Variants in TFB1M observed in about 807,000 individuals in gnomAD.
TFB1M encodes dimethyladenosine transferase 1, mitochondrial.
In TFB1M, 27 loss-of-function variants were observed where a neutral mutation model predicts 31.1. That is an observed-to-expected ratio of 0.87 (90% confidence interval 0.64 to 1.20). The LOEUF is 1.20. Among genes scored for constraint, TFB1M ranks in the 50% most tolerant of loss-of-function variants. The pLI is 0.00. For missense variants in TFB1M, 394 were observed against 418.7 expected, an observed-to-expected ratio of 0.94 and a Z score of 0.51; for synonymous variants, 166 against 151.8, an observed-to-expected ratio of 1.09 and a Z score of -0.69.
At chr6:155,254,385 A>C, downstream of TFB1M, 1 of 1,604,402 alleles carries the variant, frequency 6.2e-7, no homozygotes, top group Non-Finnish European at 8.5e-7. Flanking sequence ...AACACTGTGG[A>C]CACTTCTGCT....
chr6:155,313,246 T>C (rs1224021233), intron 1 of TFB1M: 3 of 149,260 alleles, frequency 2.0e-5, no homozygotes, highest in African/African-American at 7.5e-5. Flanking sequence ...AAACTCCATC[T>C]TAAAAAAAGA....
At chr6:155,303,893 A>G (rs1582875477) in intron 2 of TFB1M, among the ~76,000 whole-genome samples, 1 of 152,198 alleles carries the variant, frequency 6.6e-6, no homozygotes, top group African/African-American at 2.4e-5. Context: ...AAAAGGTTTA[A>G]CAGCAAGCTT....
Position 155,305,908 on chromosome 6 carries a change from T to C in TFB1M, c.285+5280A>G, listed in dbSNP as rs192596782. Among the ~76,000 whole-genome samples the C allele has an allele frequency of 7.0e-4, 105 of 150,318 alleles. No homozygotes were observed. The East Asian group carries it at 0.013, about 19-fold the overall frequency. Reference sequence around the variant, plus strand: ...ATGAAACTTCTGTTCTTCAAAGACATTGTTAAGAAAATAAAAAGGTAAGCC... The same window carrying C: ...ATGAAACTTCTGTTCTTCAAAGACACTGTTAAGAAAATAAAAAGGTAAGCC... On this transcript the variant is annotated intron_variant, in intron 2 of 6. Coordinates refer to ENST00000367166, the MANE Select transcript of TFB1M (RefSeq NM_016020.4).
chr6:155,297,162 T>C, intron 3 of TFB1M, 58 bp from the exon 4 acceptor site: 1 of 1,562,204 alleles, frequency 6.4e-7, no homozygotes, highest in Non-Finnish European at 8.8e-7. Flanking sequence ...CTGAATACAA[T>C]TTCAGTGACG....
chr6:155,248,258 G>C, the TFB1M span: 29 of 1,482,336 alleles, frequency 2.0e-5, no homozygotes, highest in African/African-American at 3.1e-4. Flanking sequence ...GGGCCTGACA[G>C]CTCACCTCTT....
In TFB1M at chr6:155,286,537, ATGTGTATATATG is replaced by A. The variant is rs1324788400; in HGVS notation, c.547-1272_547-1261del. Among the ~76,000 whole-genome samples, 10 of 142,354 alleles carry A rather than the reference ATGTGTATATATG, an allele frequency of 7.0e-5. No individual in the cohort carries two copies. In the East Asian group the frequency reaches 1.4e-3, roughly 20 times the overall value. The allele number at this position is 142,354 out of a possible 152,430, so 93.4% of individuals were successfully genotyped here. A position where few individuals can be genotyped will look rare whatever the true frequency, so the allele number is the denominator to read the frequency against. On this transcript the variant is annotated intron_variant, in intron 4 of 6. Coordinates refer to ENST00000367166, the MANE Select transcript of TFB1M (RefSeq NM_016020.4). ...TGTGTATATATATGTATATATATACATGTGTATATATGTGTGTATATATATGTATATATATAC... is the reference window on the plus strand; with the variant it reads ...TGTGTATATATATGTATATATATACATGTGTATATATATGTATATATATAC...
chr6:155,244,156 G>C, the TFB1M span: 5 of 1,331,358 alleles, frequency 3.8e-6, no homozygotes, highest in Non-Finnish European at 4.3e-6. Context: ...ACTCCTATGA[G>C]AGTATCTCTG....
the TFB1M span, among the ~76,000 whole-genome samples, chr6:155,250,310 T>A: frequency 0.41 from 59,270 of 145,970 alleles, 12,445 homozygotes; most frequent in Middle Eastern, 0.53. Context: ...TTTTTTTTTT[T>A]AACATCAAAT....
chr6:155,314,207 C>A, intron 1 of TFB1M, 89 bp downstream of exon 1: 1 of 1,573,470 alleles, frequency 6.4e-7, no homozygotes, highest in Non-Finnish European at 8.6e-7. Flanking sequence ...AGTGCCTGGA[C>A]ACCCGCCCGC....
At chr6:155,272,689 A>G (rs1784988588) in intron 5 of TFB1M, among the ~76,000 whole-genome samples, 1 of 152,106 alleles carries the variant, frequency 6.6e-6, no homozygotes, top group Non-Finnish European at 1.5e-5. Context: ...TCATTTGGAG[A>G]ACAAATTCTT....
chr6:155,305,692 TATATATAA>T (rs1214082740), intron 2 of TFB1M, among the ~76,000 whole-genome samples: 5 of 17,590 alleles, frequency 2.8e-4, no homozygotes, highest in Non-Finnish European at 4.1e-4. Flanking sequence ...ATTATATATT[TATATATAA>T]ATATATATTA....
the TFB1M span, among the ~76,000 whole-genome samples, chr6:155,240,096 T>G: frequency 2.0e-5 from 3 of 152,214 alleles, no homozygotes; most frequent in African/African-American, 4.8e-5. Flanking sequence ...CTCCGGGCTG[T>G]TCTGTGTGGG....
At chr6:155,250,657 AC>A in the TFB1M span, 1 of 1,526,306 alleles carries the variant, frequency 6.6e-7, no homozygotes, top group Non-Finnish European at 8.8e-7. Context: ...TGAGTTGGTC[AC>A]AAGGCATGTC....
chr6:155,253,318 C>T, downstream of TFB1M: 3 of 431,878 alleles, frequency 6.9e-6, no homozygotes, highest in South Asian at 4.2e-5. Flanking sequence ...TTCCTTTCTG[C>T]CTTGATACCC....
At chr6:155,248,139 C>CCTGA in the TFB1M span, 1 of 1,614,116 alleles carries the variant, frequency 6.2e-7, no homozygotes, top group Non-Finnish European at 8.5e-7. Context: ...AGCTGGTGTC[C>CCTGA]CTGACGGACC....
the TFB1M span, among the ~76,000 whole-genome samples, chr6:155,239,408 C>A: frequency 6.6e-6 from 1 of 152,222 alleles, no homozygotes; most frequent in Admixed American, 6.5e-5. Context: ...CCACCCTGCC[C>A]TCACTGGGCT....
intron 5 of TFB1M, among the ~76,000 whole-genome samples, chr6:155,281,384 T>A (rs1468491849): frequency 6.6e-6 from 1 of 152,152 alleles, no homozygotes; most frequent in African/African-American, 2.4e-5. Flanking sequence ...ACAACTCTCA[T>A]AATATAACTA....
intron 5 of TFB1M, chr6:155,275,963 G>A (rs759066859): frequency 1.2e-6 from 2 of 1,614,154 alleles, no homozygotes; most frequent in South Asian, 2.2e-5. Flanking sequence ...GGCTGCGAGA[G>A]CCACCATGGT....
chr6:155,248,003 A>C, the TFB1M span: 1 of 1,613,888 alleles, frequency 6.2e-7, no homozygotes, highest in South Asian at 1.1e-5. Context: ...CTTGTAGCTA[A>C]AACTGACAAA....
Sources: gnomAD v4.1 joint callset for allele counts (sites outside exome capture counted in the v4.1 genomes callset) on GRCh38, gnomAD v4.1.1 for gene constraint, MANE v1.5 for transcripts, NCBI Gene and HGNC (gene_info 2026-07-23, HGNC 2026-07-21) for gene names.